The following RYR3 variants were observed in gnomAD, a reference collection of about 807,000 sequenced individuals.
The protein encoded by RYR3 is brain ryanodine receptor-calcium release channel.
A neutral mutation model predicts 584.3 loss-of-function variants in RYR3; 207 were observed. The observed-to-expected ratio is 0.35, with a 90% CI of 0.32 to 0.40. RYR3 has a LOEUF of 0.40. RYR3 is among the 10% of genes least tolerant of loss of function. RYR3 has a pLI of 1.00. For synonymous variants in RYR3, 2,416 were observed against 2,248.5 expected (o/e 1.07, Z -2.11); for missense variants, 5,616 against 6,089.2 (o/e 0.92, Z 2.59).
chr15:33,772,241 C>T (rs762373741), intron 63 of RYR3, 83 bp downstream of exon 63: 26 of 775,274 alleles, frequency 3.4e-5, no homozygotes, highest in Admixed American at 6.8e-5. Context: ...TTACATTGAC[C>T]TTGAGGGCAG....
At chr15:33,337,249 C>G (rs1177958858) in intron 1 of RYR3, among the ~76,000 whole-genome samples, 2 of 151,694 alleles carry the variant, frequency 1.3e-5, no homozygotes, top group South Asian at 2.1e-4. Context: ...GGTCAGATTC[C>G]TAGAGGAATG....
At chr15:33,522,013 G>A (rs1343287952) in intron 3 of RYR3, among the ~76,000 whole-genome samples, 3 of 151,614 alleles carry the variant, frequency 2.0e-5, no homozygotes, top group African/African-American at 4.9e-5. Flanking sequence ...CAGCACTTTG[G>A]GAGGCCGAGG....
intron 2 of RYR3, among the ~76,000 whole-genome samples, chr15:33,500,374 G>A (rs887716219): frequency 6.6e-6 from 1 of 152,172 alleles, no homozygotes; most frequent in African/African-American, 2.4e-5. Context: ...AGGGGCAGCA[G>A]ATTCCTACTA....
At chr15:33,344,994 T>C (rs893648571) in intron 1 of RYR3, among the ~76,000 whole-genome samples, 3 of 152,206 alleles carry the variant, frequency 2.0e-5, no homozygotes, top group Non-Finnish European at 2.9e-5. Flanking sequence ...CTTGCACAGA[T>C]GTGAACTGAC....
intron 1 of RYR3, among the ~76,000 whole-genome samples, chr15:33,338,925 C>T (rs1041091026): frequency 6.6e-6 from 1 of 152,144 alleles, no homozygotes; most frequent in Non-Finnish European, 1.5e-5. Context: ...TGTACATACA[C>T]ACTGTAAAAC....
intron 9 of RYR3, among the ~76,000 whole-genome samples, chr15:33,548,457 C>T (rs1484876341): frequency 6.6e-6 from 1 of 152,226 alleles, no homozygotes; most frequent in Non-Finnish European, 1.5e-5. Flanking sequence ...AAGGAAAGCT[C>T]AGACAAGGCC....
At chr15:33,640,933 A>C (rs1240640030) in intron 27 of RYR3, among the ~76,000 whole-genome samples, 2 of 152,182 alleles carry the variant, frequency 1.3e-5, no homozygotes, top group African/African-American at 2.4e-5. Flanking sequence ...AGCTGTGTGC[A>C]ATATGGAAAT....
chr15:33,646,466 T>C lies in RYR3; in HGVS notation c.3881T>C (p.Val1294Ala). 6.2e-7 allele frequency: 1 copy of C among 1,613,960 alleles called. No individual in the cohort carries two copies. Among genetic ancestry groups the C allele is most frequent in the South Asian group, 1.1e-5 (1 of 91,060 alleles). Reference sequence around the variant, plus strand: ...ATCTATTGCCGCTTGAGCATGCCTGTCGAGTGCCACTCCTCCTTCAGCCAC... The same window carrying C: ...ATCTATTGCCGCTTGAGCATGCCTGCCGAGTGCCACTCCTCCTTCAGCCAC... ...DMIYCRLSMP[V>A]ECHSSFSHSP... The change falls in exon 29 of 104, where the codon GTC becomes GCC. Residue 1294 changes from valine to alanine, a missense_variant. Around this residue, in one of 9 missense-constraint regions of RYR3, gnomAD observed 753 missense variants for 741.0 expected, o/e 1.02. Transcript: ENST00000634891.
intron 16 of RYR3, among the ~76,000 whole-genome samples, chr15:33,595,624 C>T (rs137934330): frequency 1.1e-4 from 16 of 152,232 alleles, no homozygotes; most frequent in African/African-American, 3.9e-4. Flanking sequence ...CCCTGTGTCT[C>T]AGGAATGCAG....
At chr15:33,360,052 C>T (rs1172165958) in intron 1 of RYR3, among the ~76,000 whole-genome samples, 1 of 152,138 alleles carries the variant, frequency 6.6e-6, no homozygotes, top group Non-Finnish European at 1.5e-5. Flanking sequence ...CCTCTTTAGA[C>T]TGTAAGTTTC....
At chr15:33,477,829 G>C (rs2339277) in intron 2 of RYR3, among the ~76,000 whole-genome samples, 3 of 110,554 alleles carry the variant, frequency 2.7e-5, no homozygotes, top group African/African-American at 1.6e-4. Context: ...GAGCGGAGAT[G>C]GCGCCACTGC....
At chr15:33,605,888 A>G (rs2059881319) in intron 18 of RYR3, among the ~76,000 whole-genome samples, 1 of 152,212 alleles carries the variant, frequency 6.6e-6, no homozygotes, top group African/African-American at 2.4e-5. Flanking sequence ...AGGGGGATAT[A>G]TTAGAAAGTG....
intron 52 of RYR3, among the ~76,000 whole-genome samples, chr15:33,743,240 T>A (rs1465193019): frequency 1.3e-5 from 2 of 152,170 alleles, no homozygotes; most frequent in East Asian, 3.9e-4. Context: ...GCTCAGCTCG[T>A]CCTTCCAGGA....
Position 33,502,618 on chromosome 15 carries a change from T to C in RYR3, c.172-1013T>C, listed in dbSNP as rs975589869. ...GTTTTGCTTTGTATTTCTTTGTATC[T>C]TTTCCAATATCAAGCACTACGTAAA... On this transcript the variant is annotated intron_variant, in intron 2 of 103. Coordinates refer to ENST00000634891, the MANE Select transcript of RYR3 (RefSeq NM_001036.6). Among the ~76,000 whole-genome samples, 6 of 152,356 alleles carry C rather than the reference T, an allele frequency of 3.9e-5. No homozygotes were observed. In the East Asian group the frequency reaches 1.2e-3, roughly 29 times the overall value.
intron 18 of RYR3, among the ~76,000 whole-genome samples, chr15:33,609,072 C>G (rs895554188): frequency 6.6e-6 from 1 of 152,206 alleles, no homozygotes; most frequent in Non-Finnish European, 1.5e-5. Flanking sequence ...AACAGTGAAC[C>G]CTCAGAGGAC....
In RYR3 at chr15:33,548,076, C is replaced by G; in HGVS notation, c.741-54C>G. 3 of 1,312,646 alleles carry G rather than the reference C, an allele frequency of 2.3e-6. No homozygotes were observed. The South Asian group carries it at 3.7e-5, about 16-fold the overall frequency. 81.3% of individuals were successfully genotyped at this position (1,312,646 alleles called of 1,614,324 possible). A position where few individuals can be genotyped will look rare whatever the true frequency, so the allele number is the denominator to read the frequency against. ...CCTCTGCAGGGAGCTGTTCTTCACCCGGGTGCTGATCAGTGTCATGCAAGT... is the reference window on the plus strand; with the variant it reads ...CCTCTGCAGGGAGCTGTTCTTCACCGGGGTGCTGATCAGTGTCATGCAAGT... On this transcript the variant is annotated intron_variant, in intron 8 of 103. Transcript: ENST00000634891.
At chr15:33,632,634 C>T (rs2061324579) in intron 23 of RYR3, among the ~76,000 whole-genome samples, 1 of 152,196 alleles carries the variant, frequency 6.6e-6, no homozygotes, top group Admixed American at 6.5e-5. Flanking sequence ...GGTAATGTTG[C>T]AGCATGCTGA....
At chr15:33,494,753 A>G (rs2051273648) in intron 2 of RYR3, among the ~76,000 whole-genome samples, 1 of 152,232 alleles carries the variant, frequency 6.6e-6, no homozygotes, top group Non-Finnish European at 1.5e-5. Flanking sequence ...AAACAACATT[A>G]TAGCTCAAAT....
chr15:33,646,608 C>T, intron 29 of RYR3, 82 bp downstream of exon 29: 1 of 1,253,592 alleles, frequency 8.0e-7, no homozygotes, highest in Non-Finnish European at 1.1e-6. Flanking sequence ...CCTAACTCAG[C>T]ATAGGAACTC....
Sources: gnomAD v4.1 joint callset for allele counts (sites outside exome capture counted in the v4.1 genomes callset) on GRCh38, gnomAD v4.1.1 for gene constraint, gnomAD v4.1.1 regional missense constraint, MANE v1.5 for transcripts, NCBI Gene and HGNC (gene_info 2026-07-23, HGNC 2026-07-21) for gene names.